Variants in EPHA3 observed in about 807,000 individuals in gnomAD.
EPHA3 encodes ephrin type-A receptor 3.
Under a neutral mutation model 107.1 loss-of-function variants are expected in EPHA3, and 42 were observed. The observed-to-expected ratio is 0.39, with a 90% CI of 0.31 to 0.51. The LOEUF is 0.51. Ranked by LOEUF, EPHA3 falls within the 20% of genes least tolerant of loss-of-function variation. The pLI, the probability that EPHA3 is intolerant of heterozygous loss-of-function variation, is 0.78. For synonymous variants in EPHA3, 461 were observed against 424.8 expected (o/e 1.09, Z -1.05); for missense variants, 1,183 against 1,211.2 (o/e 0.98, Z 0.35).
chr3:89,400,192 C>CTTTTTTTT (rs35134848), intron 7 of EPHA3: 8 of 206,744 alleles, frequency 3.9e-5, no homozygotes, highest in Admixed American at 1.0e-4. Flanking sequence ...TTCTTTCTTT[C>CTTTTTTTT]TTTTTTTTTT....
chr3:89,139,706 A>G (rs1228537734), intron 2 of EPHA3, among the ~76,000 whole-genome samples: 1 of 151,242 alleles, frequency 6.6e-6, no homozygotes, highest in African/African-American at 2.4e-5. Context: ...AATTAGATAG[A>G]CAAGCAATTG....
intron 15 of EPHA3, among the ~76,000 whole-genome samples, chr3:89,451,256 G>A (rs1462541419): frequency 3.9e-5 from 6 of 152,104 alleles, no homozygotes; most frequent in African/African-American, 1.4e-4. Flanking sequence ...AGTTCTCTCA[G>A]TGGTTAGAAC....
chr3:89,438,636 C>T (rs1459886318), intron 13 of EPHA3, among the ~76,000 whole-genome samples: 8 of 152,000 alleles, frequency 5.3e-5, no homozygotes, highest in Admixed American at 2.0e-4. Context: ...TAATATATGT[C>T]GCATGTCATT....
At chr3:89,205,191 C>T (rs750661951) in intron 2 of EPHA3, among the ~76,000 whole-genome samples, 1 of 152,114 alleles carries the variant, frequency 6.6e-6, no homozygotes, top group African/African-American at 2.4e-5. Flanking sequence ...TGTAAACTTC[C>T]TCCTCACCTT....
At chr3:89,207,773 T>C (rs898319114) in intron 2 of EPHA3, among the ~76,000 whole-genome samples, 2 of 152,136 alleles carry the variant, frequency 1.3e-5, no homozygotes, top group Admixed American at 1.3e-4. Context: ...ATATTTTCTC[T>C]AAGAAAAACG....
intron 1 of EPHA3, among the ~76,000 whole-genome samples, chr3:89,125,127 G>A (rs1445422786): frequency 6.6e-6 from 1 of 151,796 alleles, no homozygotes; most frequent in African/African-American, 2.4e-5. Flanking sequence ...TTAAACTAGT[G>A]ATTGATCTTA....
At chr3:89,471,230 T>C (rs771471657) in intron 15 of EPHA3, among the ~76,000 whole-genome samples, 7 of 152,226 alleles carry the variant, frequency 4.6e-5, no homozygotes, top group Admixed American at 1.3e-4. Context: ...CTTTTGCCTC[T>C]TCAGGGAGGC....
At chr3:89,329,520 C>T (rs1420452936) in intron 3 of EPHA3, among the ~76,000 whole-genome samples, 3 of 152,036 alleles carry the variant, frequency 2.0e-5, no homozygotes, top group Non-Finnish European at 2.9e-5. Flanking sequence ...TCTTTTCTCC[C>T]ATTCTTCCTG....
intron 2 of EPHA3, among the ~76,000 whole-genome samples, chr3:89,137,200 C>T (rs1390263131): frequency 6.6e-6 from 1 of 151,766 alleles, no homozygotes; most frequent in Admixed American, 6.6e-5. Flanking sequence ...TATATTCAGA[C>T]TAAACATTAT....
In EPHA3 at chr3:89,125,875, T is replaced by C. The variant is rs151338085; in HGVS notation, c.89-1334T>C. On this transcript the variant is annotated intron_variant, in intron 1 of 16. Coordinates refer to ENST00000336596, the MANE Select transcript of EPHA3 (RefSeq NM_005233.6). ...TTAGAAACCTAATGTCTATCAAATA[T>C]GTAATTTATTTTTCTTAACATTTTA... is the stretch of plus-strand genomic sequence containing the variant. Among the ~76,000 whole-genome samples the C allele has an allele frequency of 1.3e-3, 196 of 151,808 alleles. 3 individuals are homozygous for C. The East Asian group carries it at 0.032, about 25-fold the overall frequency.
intron 2 of EPHA3, among the ~76,000 whole-genome samples, chr3:89,131,712 A>G (rs997609086): frequency 1.3e-5 from 2 of 152,228 alleles, no homozygotes; most frequent in Non-Finnish European, 2.9e-5. Context: ...TGAAATGAGT[A>G]ATATATGTTT....
intron 5 of EPHA3, among the ~76,000 whole-genome samples, chr3:89,360,325 A>C (rs1468703297): frequency 6.6e-6 from 1 of 151,010 alleles, no homozygotes; most frequent in African/African-American, 2.4e-5. Flanking sequence ...TTGCTTGTCC[A>C]CATAACACCT....
intron 5 of EPHA3, among the ~76,000 whole-genome samples, chr3:89,374,061 A>C (rs1399442855): frequency 6.6e-6 from 1 of 151,716 alleles, no homozygotes; most frequent in Non-Finnish European, 1.5e-5. Context: ...AATATGTACA[A>C]TTATACACTC....
intron 2 of EPHA3, among the ~76,000 whole-genome samples, chr3:89,184,111 G>C (rs1705505898): frequency 6.6e-6 from 1 of 151,852 alleles, no homozygotes; most frequent in African/African-American, 2.4e-5. Context: ...ATGTTTCAGG[G>C]ACCAAATAGT....
intron 15 of EPHA3, among the ~76,000 whole-genome samples, chr3:89,460,900 T>C (rs1021819737): frequency 2.3e-5 from 3 of 129,388 alleles, no homozygotes; most frequent in African/African-American, 8.9e-5. Flanking sequence ...TATGTATACA[T>C]GTGCCATGCT....
intron 3 of EPHA3, among the ~76,000 whole-genome samples, chr3:89,302,778 G>C (rs1706522065): frequency 6.6e-6 from 1 of 152,088 alleles, no homozygotes. Context: ...CTCAAGTTCT[G>C]AATAACACTA....
intron 3 of EPHA3, among the ~76,000 whole-genome samples, chr3:89,309,760 A>G (rs1262834197): frequency 6.6e-6 from 1 of 152,128 alleles, no homozygotes; most frequent in East Asian, 1.9e-4. Flanking sequence ...GAATTTCTAA[A>G]CATTCAAGAA....
intron 2 of EPHA3, among the ~76,000 whole-genome samples, chr3:89,191,332 A>C (rs1052218723): frequency 2.0e-5 from 3 of 150,982 alleles, no homozygotes; most frequent in African/African-American, 7.3e-5. Flanking sequence ...TTTGAGACGG[A>C]GTCTCTCTGC....
intron 5 of EPHA3, among the ~76,000 whole-genome samples, chr3:89,376,802 C>T (rs928040639): frequency 3.0e-4 from 46 of 152,016 alleles, no homozygotes; most frequent in African/African-American, 1.0e-3. Context: ...CTTAAATGAA[C>T]ATTGGTAGTT....
Sources: gnomAD v4.1 joint callset for allele counts (sites outside exome capture counted in the v4.1 genomes callset) on GRCh38, gnomAD v4.1.1 for gene constraint, MANE v1.5 for transcripts, NCBI Gene and HGNC (gene_info 2026-07-23, HGNC 2026-07-21) for gene names.